LZTS2: variants seen among roughly 807,000 people sequenced by gnomAD.
The protein encoded by LZTS2 is leucine zipper putative tumor suppressor 2.
A neutral mutation model predicts 60.6 loss-of-function variants in LZTS2; 32 were observed. The ratio of observed to expected loss-of-function variants is 0.53; its 90% CI spans 0.40 to 0.71. The LOEUF is 0.71. Among genes scored for constraint, LZTS2 ranks in the 30% least tolerant of loss-of-function variants. The pLI, the probability that LZTS2 is intolerant of heterozygous loss-of-function variation, is 0.00. For synonymous variants in LZTS2, 360 were observed against 393.1 expected (o/e 0.92, Z 1.00); for missense variants, 792 against 901.9 (o/e 0.88, Z 1.56).
chr10:101,003,059 C>T, intron 1 of LZTS2, 113 bp downstream of exon 2: 1 of 1,316,004 alleles, frequency 7.6e-7, no homozygotes, highest in Non-Finnish European at 1.0e-6. Context: ...TTCACCAGAC[C>T]TGGGTCCTAA....
exon 4 of LZTS2, chr10:101,007,519 A>AT (rs1852252910): frequency 7.4e-7 from 1 of 1,346,980 alleles, no homozygotes; most frequent in Non-Finnish European, 9.7e-7. Context: ...TCCTCTTCAC[A>AT]TTCCCCCCGA....
At chr10:101,005,528 C>A in exon 3 of LZTS2, 1 of 1,605,584 alleles carries the variant, frequency 6.2e-7, no homozygotes. Flanking sequence ...GCGGCCCAGG[C>A]ACAGCGGGCA....
rs978504150 is a variant in LZTS2, at chr10:101,005,443, T to C, written c.1069-15T>C. 22 of 1,535,212 alleles carry C rather than the reference T, an allele frequency of 1.4e-5. No individual in the cohort carries two copies. The highest frequency in any genetic ancestry group is 1.9e-5 in the Non-Finnish European group (22 of 1,140,810). ...GAAAACTGCCCAGGAGCCAGGTCTCTCTTCTCGCCTGCAGGCATACGAGGA... is the reference window on the plus strand; with the variant it reads ...GAAAACTGCCCAGGAGCCAGGTCTCCCTTCTCGCCTGCAGGCATACGAGGA... On this transcript the variant is annotated splice_polypyrimidine_tract_variant and intron_variant, in intron 2 of 3. Transcript: ENST00000370220.
At chr10:101,005,750 AC>A (rs755941400) in intron 3 of LZTS2, 35 bp downstream of exon 4, 9 of 1,498,546 alleles carry the variant, frequency 6.0e-6, no homozygotes, top group Non-Finnish European at 8.1e-6. Context: ...GAGCAGGGTC[AC>A]ACAGGGAGAA....
At chr10:101,005,165 A>C (rs562385336) in intron 2 of LZTS2, among the ~76,000 whole-genome samples, 29 of 152,138 alleles carry the variant, frequency 1.9e-4, no homozygotes, top group Admixed American at 1.0e-3. Context: ...CACCACACCA[A>C]GCTAATTTTT....
At chr10:101,003,526 T>C in exon 2 of LZTS2, 1 of 1,519,284 alleles carries the variant, frequency 6.6e-7, no homozygotes, top group Non-Finnish European at 8.8e-7. Flanking sequence ...AAGATCCTGA[T>C]CCGCCCAACA....
chr10:100,998,835 C>T (rs1286961790), upstream of LZTS2: 2 of 152,362 alleles, frequency 1.3e-5, no homozygotes, highest in Non-Finnish European at 2.9e-5. Context: ...AGCCTGTGCC[C>T]AACAGGCCTG....
intron 3 of LZTS2, 117 bp from the exon 5 acceptor site, chr10:101,006,368 C>T: frequency 1.4e-6 from 2 of 1,445,152 alleles, no homozygotes. Context: ...GTGTCTCCAT[C>T]TGTAAAATGG....
chr10:101,005,396 C>T (rs913306514), intron 2 of LZTS2, 62 bp from the exon 4 acceptor site: 47 of 1,492,984 alleles, frequency 3.1e-5, no homozygotes, highest in Non-Finnish European at 4.2e-5. Context: ...GCTGCCAGAG[C>T]AGACACTGAG....
exon 4 of LZTS2, chr10:101,006,530 A>G (rs776091132): frequency 2.5e-6 from 4 of 1,611,490 alleles, no homozygotes; most frequent in Non-Finnish European, 3.4e-6. Context: ...GCAGCAGCTG[A>G]AAGAGTCTCA....
chr10:101,004,217 C>T, intron 2 of LZTS2, 51 bp downstream of exon 3: 1 of 1,531,492 alleles, frequency 6.5e-7, no homozygotes, highest in Non-Finnish European at 8.8e-7. Context: ...CATCCCAAGG[C>T]CCTGGGATGC....
chr10:101,006,973 A>G, exon 4 of LZTS2: 1 of 1,550,670 alleles, frequency 6.4e-7, no homozygotes, highest in South Asian at 1.2e-5. Flanking sequence ...CCTGGCAGGC[A>G]GAGAAGGAGC....
exon 4 of LZTS2, chr10:101,007,627 A>T: frequency 8.1e-7 from 1 of 1,241,558 alleles, no homozygotes; most frequent in South Asian, 1.4e-5. Context: ...CCCAGGTTTG[A>T]GCTCTGCAGC....
chr10:101,005,637 ACAGCTGGAG>A, exon 3 of LZTS2: 1 of 1,610,660 alleles, frequency 6.2e-7, no homozygotes, highest in Non-Finnish European at 8.5e-7. Context: ...AGGAGCGCGA[ACAGCTGGAG>A]CGGCGCTGCG....
exon 2 of LZTS2, chr10:101,003,609 G>C: frequency 6.3e-7 from 1 of 1,598,488 alleles, no homozygotes; most frequent in Non-Finnish European, 8.5e-7. Context: ...TCGGGCCACC[G>C]GGCTGTCTGG....
Position 101,002,480 on chromosome 10 carries a change from C to T in LZTS2, c.-59C>T. 6.8e-7 allele frequency: 1 copy of T among 1,480,320 alleles called. No individual in the cohort carries two copies. Among genetic ancestry groups the T allele is most frequent in the Non-Finnish European group, 9.0e-7 (1 of 1,114,200 alleles). 91.7% of individuals were successfully genotyped at this position (1,480,320 alleles called of 1,614,324 possible). ...TCTCAAGGTGGAGGGACTCTGACACCACTGCCCTGCTTACAGGTCGCCTGC... is the reference window on the plus strand; with the variant it reads ...TCTCAAGGTGGAGGGACTCTGACACTACTGCCCTGCTTACAGGTCGCCTGC... On this transcript the variant is annotated 5_prime_UTR_variant, in exon 1 of 4. Transcript: ENST00000370220.
At chr10:101,003,375 A>T in intron 1 of LZTS2, 132 bp from the exon 3 acceptor site, 2 of 885,932 alleles carry the variant, frequency 2.3e-6, no homozygotes, top group Admixed American at 5.5e-5. Context: ...ACTGGTGGCC[A>T]CCTCCACCAG....
Position 101,005,673 on chromosome 10 carries a change from G to A in LZTS2, c.1284G>A (p.Glu428=), listed in dbSNP as rs781499587. The change falls in exon 3 of 4, where the codon GAG becomes GAA. Residue 428 remains glutamate, a synonymous_variant. Transcript: ENST00000370220. ...GGCGCTGCGCCACCTTGGAGCGGGA[G>A]CAGCGGGAGCTCGGGCCGAGGCTTG... 7 of 1,604,584 alleles carry A rather than the reference G, an allele frequency of 4.4e-6. No homozygotes were observed. In the African/African-American group the frequency reaches 8.0e-5, roughly 18 times the overall value.
chr10:101,000,645 G>A, exon 1 of LZTS2: 1 of 152,586 alleles, frequency 6.6e-6, no homozygotes, highest in Non-Finnish European at 1.5e-5. Context: ...CTTTCTCCGT[G>A]CTCGCTGAAG....
Sources: gnomAD v4.1 joint callset for allele counts (sites outside exome capture counted in the v4.1 genomes callset) on GRCh38, gnomAD v4.1.1 for gene constraint, MANE v1.5 for transcripts, NCBI Gene and HGNC (gene_info 2026-07-23, HGNC 2026-07-21) for gene names.